SHISA9: variants seen among roughly 807,000 people sequenced by gnomAD.
SHISA9 encodes shisa family member 9.
In SHISA9, 13 loss-of-function variants were observed where a neutral mutation model predicts 38.0. The ratio of observed to expected loss-of-function variants is 0.34; its 90% CI spans 0.22 to 0.54. SHISA9 has a LOEUF of 0.54. Among genes scored for constraint, SHISA9 ranks in the 20% least tolerant of loss-of-function variants. The pLI, the probability that SHISA9 is intolerant of heterozygous loss-of-function variation, is 0.91. For synonymous variants in SHISA9, 275 were observed against 242.0 expected (o/e 1.14, Z -1.27); for missense variants, 538 against 575.8 (o/e 0.93, Z 0.67).
At chr16:13,262,949 C>T in the SHISA9 span, among the ~76,000 whole-genome samples, 228 of 152,286 alleles carry the variant, frequency 1.5e-3, 1 homozygote, top group African/African-American at 5.3e-3. Flanking sequence ...GCCTTGCATT[C>T]CCACTTCATA....
intron 4 of SHISA9, among the ~76,000 whole-genome samples, chr16:13,222,177 C>G (rs994731085): frequency 6.6e-6 from 1 of 152,020 alleles, no homozygotes; most frequent in Non-Finnish European, 1.5e-5. Flanking sequence ...ATTCAGTTAC[C>G]TCCCACCAGG....
At chr16:13,164,181 T>A (rs1267217306) in intron 2 of SHISA9, among the ~76,000 whole-genome samples, 2 of 152,032 alleles carry the variant, frequency 1.3e-5, no homozygotes, top group Admixed American at 1.3e-4. Context: ...TTGCTGAAAG[T>A]TTTTTTATTG....
At chr16:13,442,548 G>T in the SHISA9 span, among the ~76,000 whole-genome samples, 12 of 152,050 alleles carry the variant, frequency 7.9e-5, no homozygotes, top group Non-Finnish European at 8.8e-5. Flanking sequence ...CAGGTGATCC[G>T]CCCACCTTGG....
chr16:13,557,250 T>C, the SHISA9 span, among the ~76,000 whole-genome samples: 106,988 of 152,128 alleles, frequency 0.7, 37,977 homozygotes, highest in East Asian at 0.89. Context: ...AGGTTTTGCA[T>C]AAAATTTGCC....
chr16:13,488,216 T>C, the SHISA9 span, among the ~76,000 whole-genome samples: 1 of 149,088 alleles, frequency 6.7e-6, no homozygotes, highest in Admixed American at 6.7e-5. Flanking sequence ...TAAATATATA[T>C]GGTCAAAGGA....
the SHISA9 span, among the ~76,000 whole-genome samples, chr16:13,251,679 C>G: frequency 6.6e-6 from 1 of 152,120 alleles, no homozygotes; most frequent in Non-Finnish European, 1.5e-5. Context: ...GCTTTTCATC[C>G]TTCCTGTTTC....
the SHISA9 span, among the ~76,000 whole-genome samples, chr16:13,540,193 C>CCACACACA: frequency 1.0e-4 from 15 of 149,630 alleles, no homozygotes; most frequent in African/African-American, 3.4e-4. Flanking sequence ...GCATACATGC[C>CCACACACA]CACACACACA....
intron 4 of SHISA9, among the ~76,000 whole-genome samples, chr16:13,232,378 A>G (rs921284161): frequency 3.3e-5 from 5 of 152,250 alleles, no homozygotes; most frequent in Admixed American, 1.3e-4. Context: ...CCACCATGGC[A>G]CATGTATACC....
chr16:13,542,509 G>A, the SHISA9 span, among the ~76,000 whole-genome samples: 1 of 152,216 alleles, frequency 6.6e-6, no homozygotes, highest in Admixed American at 6.5e-5. Context: ...AGAGGGCAGA[G>A]CAGAGATAGA....
the SHISA9 span, among the ~76,000 whole-genome samples, chr16:13,453,997 CAT>C: frequency 2.6e-5 from 4 of 152,164 alleles, no homozygotes; most frequent in Admixed American, 2.6e-4. Flanking sequence ...ACCCTCATCT[CAT>C]ATGTCATTTA....
In SHISA9 at chr16:12,988,782, C is replaced by T. The variant is rs139915227; in HGVS notation, c.691+71967C>T. Among the ~76,000 whole-genome samples, 917 of 152,174 alleles carry T rather than the reference C, an allele frequency of 6.0e-3. 7 individuals are homozygous for T. The highest frequency in any genetic ancestry group is 0.034 in the Middle Eastern group (10 of 294). On this transcript the variant is annotated intron_variant, in intron 2 of 4. Coordinates refer to ENST00000558583, the MANE Select transcript of SHISA9 (RefSeq NM_001145204.3). ...TCAAGTGATCCACCTGCCTTGGCCT[C>T]CTAAAGTGCTGGGATTACAGGTGTG...
At chr16:13,462,538 T>C in the SHISA9 span, among the ~76,000 whole-genome samples, 1 of 151,978 alleles carries the variant, frequency 6.6e-6, no homozygotes, top group Non-Finnish European at 1.5e-5. Context: ...AAAACTGCAA[T>C]GTAGGCTGGG....
chr16:13,370,791 A>G, the SHISA9 span, among the ~76,000 whole-genome samples: 1 of 152,166 alleles, frequency 6.6e-6, no homozygotes, highest in Non-Finnish European at 1.5e-5. Context: ...CCAAATTAGT[A>G]AGGTTCTGAA....
intron 2 of SHISA9, among the ~76,000 whole-genome samples, chr16:13,024,897 A>G (rs1267789512): frequency 6.6e-6 from 1 of 152,140 alleles, no homozygotes; most frequent in Non-Finnish European, 1.5e-5. Context: ...TGCAGCCAGG[A>G]TCTCAATTGC....
At chr16:13,388,338 G>A in the SHISA9 span, among the ~76,000 whole-genome samples, 2 of 147,736 alleles carry the variant, frequency 1.4e-5, no homozygotes, top group Non-Finnish European at 1.5e-5. Flanking sequence ...TTAAGACAGA[G>A]TCTCACTCTG....
At chr16:13,052,252 T>C (rs1009215617) in intron 2 of SHISA9, among the ~76,000 whole-genome samples, 16 of 152,168 alleles carry the variant, frequency 1.1e-4, no homozygotes, top group African/African-American at 3.4e-4. Context: ...CTTTCTGCTT[T>C]TGTTAGTGAT....
chr16:13,322,802 T>C, the SHISA9 span, among the ~76,000 whole-genome samples: 1 of 152,184 alleles, frequency 6.6e-6, no homozygotes, highest in South Asian at 2.1e-4. Flanking sequence ...CTATAAAATC[T>C]TTGTGAAATC....
chr16:13,247,264 A>G, the SHISA9 span, among the ~76,000 whole-genome samples: 2 of 152,166 alleles, frequency 1.3e-5, no homozygotes, highest in South Asian at 2.1e-4. Context: ...GTTTCCTTCC[A>G]TGAAGGGATT....
At chr16:13,105,737 G>A (rs1489637332) in intron 2 of SHISA9, among the ~76,000 whole-genome samples, 3 of 152,216 alleles carry the variant, frequency 2.0e-5, no homozygotes, top group Non-Finnish European at 4.4e-5. Context: ...GCTGAGGAGA[G>A]CTGCCAGGGG....
Sources: allele counts gnomAD v4.1 joint callset (sites outside exome capture counted in the v4.1 genomes callset), GRCh38; gene constraint gnomAD v4.1.1; transcripts MANE v1.5; gene names NCBI Gene and HGNC (gene_info 2026-07-23, HGNC 2026-07-21).